Variants in NEXMIF observed in about 807,000 individuals in gnomAD.
NEXMIF encodes XLMR protein related to neurite extension.
A neutral mutation model predicts 62.1 loss-of-function variants in NEXMIF; 8 were observed. The observed-to-expected ratio is 0.13, with a 90% CI of 0.08 to 0.23. The LOEUF is 0.23. Among genes scored for constraint, NEXMIF ranks in the 10% least tolerant of loss-of-function variants. The pLI is 1.00. For missense variants in NEXMIF, 976 were observed against 1,113.3 expected, an observed-to-expected ratio of 0.88 and a Z score of 1.75; for synonymous variants, 404 against 416.6, an observed-to-expected ratio of 0.97 and a Z score of 0.37.
intron 1 of NEXMIF, among the ~76,000 whole-genome samples, chrX:74,755,511 T>G (rs2080156769): frequency 9.0e-6 from 1 of 111,679 alleles, no homozygotes; most frequent in Non-Finnish European, 1.9e-5. Context: ...TCAACGTGAA[T>G]TTCTTTCACC....
intron 1 of NEXMIF, among the ~76,000 whole-genome samples, chrX:74,750,546 A>G (rs1339881237): frequency 1.8e-5 from 2 of 112,047 alleles, no homozygotes; most frequent in Non-Finnish European, 3.8e-5. Context: ...AGGAGATGGT[A>G]CTGCTATAGC....
intron 1 of NEXMIF, among the ~76,000 whole-genome samples, chrX:74,862,767 T>C (rs1321503253): frequency 9.0e-6 from 1 of 111,517 alleles, no homozygotes; most frequent in Non-Finnish European, 1.9e-5. Context: ...AAGGCAGAAA[T>C]CAAAAAGTTC....
chrX:74,902,146 T>C (rs1055954306), intron 1 of NEXMIF, among the ~76,000 whole-genome samples: 2 of 110,254 alleles, frequency 1.8e-5, no homozygotes, highest in African/African-American at 6.6e-5. Context: ...CTGAGGACCC[T>C]GGTCATCTTA....
intron 1 of NEXMIF, among the ~76,000 whole-genome samples, chrX:74,836,216 C>A (rs1354274884): frequency 8.9e-6 from 1 of 112,610 alleles, no homozygotes; most frequent in East Asian, 2.8e-4. Flanking sequence ...AGGGCAGGTC[C>A]AGAAATGCCA....
intron 1 of NEXMIF, among the ~76,000 whole-genome samples, chrX:74,812,025 C>G (rs1285345280): frequency 8.9e-6 from 1 of 112,881 alleles, no homozygotes; most frequent in Non-Finnish European, 1.9e-5. Context: ...ATCTTTTCTC[C>G]TCTAACCAGG....
intron 1 of NEXMIF, among the ~76,000 whole-genome samples, chrX:74,903,602 G>C (rs1407737476): frequency 8.9e-6 from 1 of 111,887 alleles, no homozygotes. Flanking sequence ...CAGAAGTACA[G>C]TGAGCTTCAG....
intron 1 of NEXMIF, among the ~76,000 whole-genome samples, chrX:74,781,276 A>C (rs1275607695): frequency 8.9e-6 from 1 of 112,533 alleles, no homozygotes; most frequent in Admixed American, 9.4e-5. Flanking sequence ...GGTTGCTACG[A>C]TCTCCTTTAG....
intron 1 of NEXMIF, among the ~76,000 whole-genome samples, chrX:74,884,441 A>G (rs1265897988): frequency 9.0e-6 from 1 of 111,503 alleles, no homozygotes; most frequent in Non-Finnish European, 1.9e-5. Context: ...AAATAAAGGG[A>G]TGGAGGAAGA....
chrX:74,772,221 T>C (rs759636258), intron 1 of NEXMIF, among the ~76,000 whole-genome samples: 1 of 112,420 alleles, frequency 8.9e-6, no homozygotes, highest in Non-Finnish European at 1.9e-5. Flanking sequence ...CATTGTGGGA[T>C]ATGGTTTAGG....
At chrX:74,901,923 C>A (rs2080750640) in intron 1 of NEXMIF, among the ~76,000 whole-genome samples, 2 of 111,410 alleles carry the variant, frequency 1.8e-5, no homozygotes, top group Non-Finnish European at 3.8e-5. Context: ...CCAAAAGTAT[C>A]ATTCAGGACA....
At chrX:74,874,100 T>G (rs1413666922) in intron 1 of NEXMIF, among the ~76,000 whole-genome samples, 7 of 108,213 alleles carry the variant, frequency 6.5e-5, no homozygotes, top group East Asian at 6.0e-4. Context: ...TGCCTAGGTT[T>G]TCTTCTAGGG....
rs766391935 is a variant in NEXMIF at position 74,742,918 on chromosome X, G to T, written c.1639C>A (p.Arg547Ser). The change falls in exon 3 of 4, where the codon CGC becomes AGC. Residue 547 changes from arginine (R) to serine (S), a missense_variant. Coordinates refer to ENST00000055682, the MANE Select transcript of NEXMIF (RefSeq NM_001008537.3). ...PVIIKYIIIN[R>S]FKGEKNMLVK... Reference sequence around the variant, plus strand: ...AGCATGTTCTTCTCACCTTTAAAGCGATTAATGATGATATATTTGATAATA... The same window carrying T: ...AGCATGTTCTTCTCACCTTTAAAGCTATTAATGATGATATATTTGATAATA... 8.3e-7 allele frequency: 1 copy of T among 1,210,319 alleles called. No individual in the cohort carries two copies. The highest frequency in any genetic ancestry group is 2.2e-5 in the Admixed American group (1 of 45,923).
intron 1 of NEXMIF, among the ~76,000 whole-genome samples, chrX:74,882,611 C>A (rs1295868041): frequency 8.9e-6 from 1 of 111,935 alleles, no homozygotes; most frequent in African/African-American, 3.3e-5. Context: ...GGGCGCCCAC[C>A]ATTGCTCAGG....
chrX:74,891,647 C>G (rs919210355), intron 1 of NEXMIF, among the ~76,000 whole-genome samples: 1 of 111,650 alleles, frequency 9.0e-6, no homozygotes, highest in Non-Finnish European at 1.9e-5. Context: ...TTAAGTTTAA[C>G]TTAAATTAGG....
chrX:74,887,212 G>A (rs1364823272), intron 1 of NEXMIF, among the ~76,000 whole-genome samples: 1 of 111,470 alleles, frequency 9.0e-6, no homozygotes, highest in East Asian at 2.9e-4. Flanking sequence ...AGAAAACCTA[G>A]GCATTACCAT....
intron 1 of NEXMIF, among the ~76,000 whole-genome samples, chrX:74,914,216 C>T (rs921862367): frequency 4.5e-5 from 5 of 112,225 alleles, no homozygotes; most frequent in African/African-American, 1.6e-4. Context: ...TATGTACTTA[C>T]AGACACTTTG....
chrX:74,918,429 T>C (rs753126197), intron 1 of NEXMIF, among the ~76,000 whole-genome samples: 5 of 111,930 alleles, frequency 4.5e-5, no homozygotes, highest in South Asian at 7.5e-4. Context: ...TTTGCTGAGA[T>C]CTAGTCTCTG....
intron 1 of NEXMIF, among the ~76,000 whole-genome samples, chrX:74,880,866 C>T (rs2080660012): frequency 8.9e-6 from 1 of 111,824 alleles, no homozygotes. Flanking sequence ...CCCTCACATT[C>T]CCAACATCAG....
chrX:74,878,758 G>A lies in NEXMIF; in HGVS notation c.-48+46125C>T, dbSNP rs758872617. Among the ~76,000 whole-genome samples the A allele has an allele frequency of 8.0e-5, 9 of 112,365 alleles. No homozygotes were observed. The East Asian group carries it at 2.3e-3, about 28-fold the overall frequency. On this transcript the variant is annotated intron_variant, in intron 1 of 3. Transcript: ENST00000055682. Reference sequence around the variant, plus strand: ...GTGGGAGTGACCCGATTTTCCAGGTGCCGTCTGTCACCCCTTTCTTTGACT... The same window carrying A: ...GTGGGAGTGACCCGATTTTCCAGGTACCGTCTGTCACCCCTTTCTTTGACT...
Sources: gnomAD v4.1 joint callset for allele counts (sites outside exome capture counted in the v4.1 genomes callset) on GRCh38, gnomAD v4.1.1 for gene constraint, MANE v1.5 for transcripts, NCBI Gene and HGNC (gene_info 2026-07-23, HGNC 2026-07-21) for gene names.